Variants in DENND6B observed in about 807,000 individuals in gnomAD.
DENND6B encodes the protein protein DENND6B.
A neutral mutation model predicts 85.1 loss-of-function variants in DENND6B; 73 were observed. The observed-to-expected ratio is 0.86, with a 90% CI of 0.71 to 1.04. The LOEUF (loss-of-function observed/expected upper bound fraction) is 1.04. Ranked by LOEUF, DENND6B falls within the 50% of genes least tolerant of loss-of-function variation. The pLI is 0.00. For synonymous variants in DENND6B, 357 were observed against 329.3 expected (o/e 1.08, Z -0.91); for missense variants, 715 against 785.8 (o/e 0.91, Z 1.08).
rs536156543 is a variant in DENND6B, at chr22:50,317,883, G to C, written c.372+25C>G. On this transcript the variant is annotated intron_variant, in intron 4 of 19. Transcript: ENST00000413817. The stretch of plus-strand genomic sequence containing the variant: ...CCCTTGGGGAGCAGGGGAGAAGCAG[G>C]CCAGAGACGCAGCCCAGTGCTCACC... 8.8e-6 allele frequency: 14 copies of C among 1,592,174 alleles called. 1 individual carries two copies. The highest frequency in any genetic ancestry group is 8.4e-5 in the Admixed American group (5 of 59,246).
chr22:50,319,251 T>C (rs35847018), intron 1 of DENND6B: 58,420 of 985,324 alleles, frequency 0.059, 1,925 homozygotes, highest in Non-Finnish European at 0.066. Flanking sequence ...CTGGCTGTGA[T>C]GTCTGGCTCC....
At chr22:50,323,434 C>T (rs2042111351) in intron 1 of DENND6B, among the ~76,000 whole-genome samples, 1 of 151,822 alleles carries the variant, frequency 6.6e-6, no homozygotes, top group South Asian at 2.1e-4. Flanking sequence ...GGATTACAGG[C>T]ATACAATGCC....
chr22:50,313,733 G>GA lies in DENND6B; in HGVS notation c.1204-10dup. 1 of 1,604,460 alleles carries GA rather than the reference G, an allele frequency of 6.2e-7. No individual in the cohort carries two copies. Among genetic ancestry groups the GA allele is most frequent in the Non-Finnish European group, 8.5e-7 (1 of 1,177,008 alleles). On this transcript the variant is annotated splice_polypyrimidine_tract_variant and intron_variant, in intron 14 of 19. Transcript: ENST00000413817. Reference sequence around the variant, plus strand: ...CGCTTCTTCTGCACGCCCTGCAGGGGAGAGAGGGCCAGGCCCTTGCTGCGC... The same window carrying GA: ...CGCTTCTTCTGCACGCCCTGCAGGGGAAGAGAGGGCCAGGCCCTTGCTGCGC...
chr22:50,313,166 G>T, intron 16 of DENND6B, 58 bp from the exon 17 acceptor site: 1 of 1,475,708 alleles, frequency 6.8e-7, no homozygotes, highest in Non-Finnish European at 9.2e-7. Context: ...CCTGCACCCG[G>T]TACGCTTCCC....
At chr22:50,312,730 T>C (rs1169635052) in intron 17 of DENND6B, 105 bp from the exon 18 acceptor site, 2 of 403,150 alleles carry the variant, frequency 5.0e-6, no homozygotes, top group Non-Finnish European at 8.6e-6. Flanking sequence ...GCCATGGGGC[T>C]GACCCTGGGG....
At chr22:50,315,532 C>T (rs1352402644) in intron 9 of DENND6B, among the ~76,000 whole-genome samples, 182 bp downstream of exon 9, 5 of 152,224 alleles carry the variant, frequency 3.3e-5, no homozygotes, top group Admixed American at 6.5e-5. Flanking sequence ...TCAGGATGAG[C>T]GCTGCCTCCC....
chr22:50,317,143 G>A, intron 5 of DENND6B, 150 bp downstream of exon 5: 1 of 741,196 alleles, frequency 1.3e-6, no homozygotes, highest in Admixed American at 2.2e-5. Context: ...TGGGGGGGCG[G>A]CAAGGAGAGC....
rs147938128 is a variant in DENND6B, at chr22:50,324,892, C to T, written c.177+1920G>A. 2.7e-3 allele frequency among the ~76,000 whole-genome samples: 408 copies of T among 152,324 alleles called. 1 individual carries two copies. The highest frequency in any genetic ancestry group is 9.2e-3 in the African/African-American group (382 of 41,568). ...TTCCTTCCTCTGAGCTGCATGCATC[C>T]CAACTAGAGTCTTCCTTCCATATCG... On this transcript the variant is annotated intron_variant, in intron 1 of 19. Transcript: ENST00000413817.
At chr22:50,313,553 T>TGCCCCCCCCC in intron 15 of DENND6B, 54 bp from the exon 16 acceptor site, 1 of 698,170 alleles carries the variant, frequency 1.4e-6, no homozygotes, top group Non-Finnish European at 1.8e-6. Flanking sequence ...CCCAGCCCCA[T>TGCCCCCCCCC]CCCCCGCAGC....
In DENND6B at chr22:50,314,840, G is replaced by A. The variant is rs2041745783; in HGVS notation, c.840C>T (p.Pro280=). ...LLGEPLLVLA[P]SPDVSSEMVL... is the part of the protein sequence containing the mutation. ...CCATCTCCGAGGACACGTCGGGCGA[G>A]GGTGCCAGGACTAGCAGGGGCTCCC... Residue 280 remains proline, a synonymous_variant, in exon 10 of 20, where the codon CCC becomes CCT. Coordinates refer to ENST00000413817, the MANE Select transcript of DENND6B (RefSeq NM_001001794.4). 1 of 1,611,318 alleles carries A rather than the reference G, an allele frequency of 6.2e-7. No individual in the cohort carries two copies. The highest frequency in any genetic ancestry group is 1.1e-5 in the South Asian group (1 of 90,674).
In DENND6B at chr22:50,311,781, C is replaced by T. The variant is rs1038648060; in HGVS notation, c.*358G>A. 8 of 338,750 alleles carry T rather than the reference C, an allele frequency of 2.4e-5. No homozygotes were observed. The East Asian group carries it at 4.3e-4, about 18-fold the overall frequency. The allele number at this position is 338,750 out of a possible 1,614,324, so 21.0% of individuals were successfully genotyped here. On this transcript the variant is annotated 3_prime_UTR_variant, in exon 20 of 20. Coordinates refer to ENST00000413817, the MANE Select transcript of DENND6B (RefSeq NM_001001794.4). Reference sequence around the variant, plus strand: ...GGGCTGAGGGAAGCATCACACACAGCGCAGGGGGGTCGGGGGCCAACAGAT... The same window carrying T: ...GGGCTGAGGGAAGCATCACACACAGTGCAGGGGGGTCGGGGGCCAACAGAT...
rs538974499 is a variant in DENND6B, at chr22:50,311,692, C to A, written c.*447G>T. The A allele has an allele frequency of 1.1e-4, 20 of 188,336 alleles. No individual in the cohort carries two copies. The South Asian group carries it at 2.3e-3, about 22-fold the overall frequency. The allele number at this position is 188,336 out of a possible 1,614,324, so 11.7% of individuals were successfully genotyped here. ...TTGATGACTATATGCAAAATAGCCT[C>A]CCATCCCCAGACAAGACGGGGGCTG... On this transcript the variant is annotated 3_prime_UTR_variant, in exon 20 of 20. Coordinates refer to ENST00000413817, the MANE Select transcript of DENND6B (RefSeq NM_001001794.4).
intron 1 of DENND6B, 138 bp from the exon 2 acceptor site, chr22:50,319,141 G>A: frequency 2.0e-6 from 3 of 1,534,790 alleles, no homozygotes; most frequent in Non-Finnish European, 2.6e-6. Flanking sequence ...CAAGGTGCTG[G>A]CTCGCCCCCT....
rs980710050 is a variant in DENND6B, at chr22:50,314,627, ACTC to A, written c.952_954del (p.Glu318del). Reference sequence around the variant, plus strand: ...TACGGGGCCTGCGTGCGTGTGGTGAACTCCTTGAACTCGCTGTCATGGATGGTG... The same window carrying A: ...TACGGGGCCTGCGTGCGTGTGGTGAACTTGAACTCGCTGTCATGGATGGTG... On this transcript the variant is annotated inframe_deletion, in exon 11 of 20. Transcript: ENST00000413817. 7.7e-6 allele frequency: 12 copies of A among 1,565,254 alleles called. No homozygotes were observed. The highest frequency in any genetic ancestry group is 1.0e-5 in the Non-Finnish European group (12 of 1,155,400).
chr22:50,314,672 C>T lies in DENND6B; in HGVS notation c.910G>A (p.Asp304Asn), dbSNP rs1012755068. Residue 304 changes from aspartate to asparagine, a missense_variant, in exon 11 of 20, where the codon GAC becomes AAC. Transcript: ENST00000413817. Reference protein sequence around the residue: ...SCLQPLRFCCDFRPYFTIHDS... With the variant: ...SCLQPLRFCCNFRPYFTIHDS... The stretch of plus-strand genomic sequence containing the variant: ...TGGATGGTGAAGTAGGGACGGAAGT[C>T]GCAGCAGAACCTGAGGGGCTGCAGG... 3 of 1,566,056 alleles carry T rather than the reference C, an allele frequency of 1.9e-6. No homozygotes were observed. The highest frequency in any genetic ancestry group is 2.6e-6 in the Non-Finnish European group (3 of 1,156,058).
rs569414107 is a variant in DENND6B, at chr22:50,326,108, G to C, written c.177+704C>G. Among the ~76,000 whole-genome samples, 6 of 152,362 alleles carry C rather than the reference G, an allele frequency of 3.9e-5. 1 individual carries two copies. The South Asian group carries it at 1.0e-3, about 26-fold the overall frequency. On this transcript the variant is annotated intron_variant, in intron 1 of 19. Coordinates refer to ENST00000413817, the MANE Select transcript of DENND6B (RefSeq NM_001001794.4). ...CAGGACACAGAGAAGATCATCCTGC[G>C]GGGCCTCCCTGGAGGAAAGGAGGCT... is the stretch of plus-strand genomic sequence containing the variant.
Position 50,313,454 on chromosome 22 carries a change from G to A in DENND6B, c.1339C>T (p.Pro447Ser), listed in dbSNP as rs1262724139. 3 of 1,542,574 alleles carry A rather than the reference G, an allele frequency of 1.9e-6. No homozygotes were observed. Among genetic ancestry groups the A allele is most frequent in the African/African-American group, 2.8e-5 (2 of 72,638 alleles). ...SLMPLQKSIT[P>S]WKTPPQIQPF... is the part of the protein sequence containing the mutation. ...CCCCACAGGACCCCCACCTTCCAGGGCGTGATGCTCTTCTGCAGGGGCATG... is the reference window on the plus strand; with the variant it reads ...CCCCACAGGACCCCCACCTTCCAGGACGTGATGCTCTTCTGCAGGGGCATG... Residue 447 changes from proline to serine, a missense_variant, in exon 16 of 20, where the codon CCC (proline) becomes TCC (serine). Coordinates refer to ENST00000413817, the MANE Select transcript of DENND6B (RefSeq NM_001001794.4).
Position 50,326,995 on chromosome 22 carries a change from G to T in DENND6B, c.-7C>A, listed in dbSNP as rs1264288424. The T allele has an allele frequency of 1.5e-5, 18 of 1,187,334 alleles. No homozygotes were observed. The highest frequency in any genetic ancestry group is 1.9e-5 in the Non-Finnish European group (18 of 960,580). The allele number at this position is 1,187,334 out of a possible 1,614,324, so 73.5% of individuals were successfully genotyped here. ...TGCCCAACAGCGCGTCCATGGCGGC[G>T]GCCGCGGGTTGCCGGGGAAACGCGG... On this transcript the variant is annotated 5_prime_UTR_variant, in exon 1 of 20. Coordinates refer to ENST00000413817, the MANE Select transcript of DENND6B (RefSeq NM_001001794.4).
Position 50,312,212 on chromosome 22 carries a change from C to A in DENND6B, c.1685G>T (p.Arg562Leu), listed in dbSNP as rs747452568. 6.2e-7 allele frequency: 1 copy of A among 1,612,342 alleles called. No homozygotes were observed. The highest frequency in any genetic ancestry group is 2.2e-5 in the East Asian group (1 of 44,854). ...QLPVKEATLQ[R>L]AQLYIETVIG... is the part of the protein sequence containing the mutation. The stretch of plus-strand genomic sequence containing the variant: ...GACCGTCTCGATGTACAGCTGTGCC[C>A]GCTGCAGCGTAGCCTCCTTCACAGG... Residue 562 changes from arginine (R) to leucine (L), a missense_variant, in exon 20 of 20, where the codon CGG becomes CTG. Coordinates refer to ENST00000413817, the MANE Select transcript of DENND6B (RefSeq NM_001001794.4).
Sources: gnomAD v4.1 joint callset for allele counts (sites outside exome capture counted in the v4.1 genomes callset) on GRCh38, gnomAD v4.1.1 for gene constraint, MANE v1.5 for transcripts, NCBI Gene and HGNC (gene_info 2026-07-23, HGNC 2026-07-21) for gene names.